The following GPC5 variants were observed in gnomAD, a reference collection of about 807,000 sequenced individuals.
The protein encoded by GPC5 is glypican 5, also known as glypican-5.
GPC5 carries 47 observed loss-of-function variants against 53.9 expected under a neutral mutation model. The observed-to-expected ratio is 0.87, with a 90% CI of 0.69 to 1.11. The LOEUF (loss-of-function observed/expected upper bound fraction) is 1.11, where lower values mean the gene tolerates loss of function less well. GPC5 is among the 50% of genes most tolerant of loss of function. GPC5 has a pLI of 0.00. For missense variants in GPC5, 748 were observed against 713.1 expected (o/e 1.05, Z -0.56); for synonymous variants, 286 against 263.3 (o/e 1.09, Z -0.84).
intron 5 of GPC5, among the ~76,000 whole-genome samples, chr13:91,760,773 C>G (rs903860960): frequency 6.6e-6 from 1 of 152,092 alleles, no homozygotes; most frequent in Non-Finnish European, 1.5e-5. Flanking sequence ...CACCTATGTG[C>G]TGATCAAAAG....
At chr13:92,597,013 AT>A (rs1883903585) in intron 7 of GPC5, among the ~76,000 whole-genome samples, 1 of 152,068 alleles carries the variant, frequency 6.6e-6, no homozygotes, top group African/African-American at 2.4e-5. Context: ...TTTGTTATTA[AT>A]TTCCCCCTCT....
At chr13:91,739,851 T>C (rs1193664842) in intron 4 of GPC5, among the ~76,000 whole-genome samples, 1 of 151,446 alleles carries the variant, frequency 6.6e-6, no homozygotes, top group Non-Finnish European at 1.5e-5. Context: ...GGGATGAAAC[T>C]GTGGGGAGTT....
chr13:92,306,305 A>G (rs557770433), intron 7 of GPC5, among the ~76,000 whole-genome samples: 2 of 152,298 alleles, frequency 1.3e-5, no homozygotes, highest in African/African-American at 2.4e-5. Flanking sequence ...CTCAGACTCA[A>G]TGCCTCTGCA....
intron 2 of GPC5, among the ~76,000 whole-genome samples, chr13:91,504,875 G>A (rs1486843234): frequency 6.6e-6 from 1 of 152,080 alleles, no homozygotes; most frequent in Non-Finnish European, 1.5e-5. Context: ...GATCGCTTGA[G>A]GTAAGGAGTT....
At chr13:92,792,890 C>T (rs950923925) in intron 7 of GPC5, among the ~76,000 whole-genome samples, 1 of 152,004 alleles carries the variant, frequency 6.6e-6, no homozygotes, top group Non-Finnish European at 1.5e-5. Context: ...TAAAGCAAGT[C>T]CTTAGAGACC....
chr13:91,715,179 G>A (rs2036309989), intron 3 of GPC5, among the ~76,000 whole-genome samples: 1 of 152,190 alleles, frequency 6.6e-6, no homozygotes, highest in African/African-American at 2.4e-5. Flanking sequence ...CACTGTAGGG[G>A]TGTCTCACAG....
intron 7 of GPC5, among the ~76,000 whole-genome samples, chr13:92,861,035 C>T (rs1358883010): frequency 6.6e-6 from 1 of 151,832 alleles, no homozygotes; most frequent in Non-Finnish European, 1.5e-5. Context: ...ATTAAAAGAA[C>T]ATTAAAGAGC....
At chr13:92,299,728 T>C (rs1217267079) in intron 7 of GPC5, among the ~76,000 whole-genome samples, 2 of 152,208 alleles carry the variant, frequency 1.3e-5, no homozygotes, top group Non-Finnish European at 2.9e-5. Context: ...TGTGTTGTCA[T>C]CCTATGTATC....
chr13:92,709,281 A>G (rs1157456094), intron 7 of GPC5, among the ~76,000 whole-genome samples: 4 of 149,792 alleles, frequency 2.7e-5, no homozygotes, highest in African/African-American at 9.9e-5. Context: ...CTGGTCTTGA[A>G]CTCCTGACCT....
At chr13:92,136,931 A>G (rs551956472) in intron 6 of GPC5, among the ~76,000 whole-genome samples, 1 of 152,378 alleles carries the variant, frequency 6.6e-6, no homozygotes, top group Non-Finnish European at 1.5e-5. Context: ...CCAAGATAGC[A>G]TCCCTAATGA....
chr13:91,407,582 T>C (rs577606702), intron 1 of GPC5, among the ~76,000 whole-genome samples: 1 of 152,278 alleles, frequency 6.6e-6, no homozygotes, highest in African/African-American at 2.4e-5. Flanking sequence ...TTCTGCAAAA[T>C]AGTATTTTTC....
chr13:91,745,963 G>A (rs1404061732), intron 4 of GPC5, among the ~76,000 whole-genome samples: 2 of 152,122 alleles, frequency 1.3e-5, no homozygotes, highest in African/African-American at 4.8e-5. Context: ...CTATTAGAAT[G>A]AAAATCTAAT....
chr13:92,184,565 A>G, intron 7 of GPC5, among the ~76,000 whole-genome samples: 1 of 152,060 alleles, frequency 6.6e-6, no homozygotes, highest in East Asian at 1.9e-4. Context: ...TCTCTTCACT[A>G]CCTAGGAATC....
intron 7 of GPC5, among the ~76,000 whole-genome samples, chr13:92,366,854 A>G (rs1187376686): frequency 1.3e-5 from 2 of 152,252 alleles, no homozygotes; most frequent in Non-Finnish European, 2.9e-5. Context: ...ACTAGTGCAC[A>G]TATCAGAGAT....
intron 7 of GPC5, among the ~76,000 whole-genome samples, chr13:92,418,536 C>T (rs1317267670): frequency 2.0e-5 from 3 of 152,114 alleles, no homozygotes; most frequent in Admixed American, 2.0e-4. Context: ...ATCCTGAGAT[C>T]ATTAACTTGA....
chr13:92,401,270 C>T (rs1298588146), intron 7 of GPC5, among the ~76,000 whole-genome samples: 2 of 150,912 alleles, frequency 1.3e-5, no homozygotes, highest in Non-Finnish European at 2.9e-5. Context: ...TGATAGAAGT[C>T]TTTATATCTC....
At chr13:92,809,517 C>T (rs943817833) in intron 7 of GPC5, among the ~76,000 whole-genome samples, 5 of 152,072 alleles carry the variant, frequency 3.3e-5, no homozygotes, top group African/African-American at 1.2e-4. Context: ...GGACTCAGAC[C>T]CAGGTCTTCT....
chr13:92,694,068 C>A (rs1887490531), intron 7 of GPC5, among the ~76,000 whole-genome samples: 1 of 152,174 alleles, frequency 6.6e-6, no homozygotes, highest in Non-Finnish European at 1.5e-5. Context: ...GTGTGCAAGA[C>A]CCAAACCTTG....
chr13:92,656,968 A>C (rs1886158371), intron 7 of GPC5, among the ~76,000 whole-genome samples: 2 of 152,246 alleles, frequency 1.3e-5, no homozygotes, highest in Non-Finnish European at 2.9e-5. Flanking sequence ...CCTGTCTTAA[A>C]AAGAAAAAAG....
Sources: gnomAD v4.1 joint callset for allele counts (sites outside exome capture counted in the v4.1 genomes callset) on GRCh38, gnomAD v4.1.1 for gene constraint, MANE v1.5 for transcripts, NCBI Gene and HGNC (gene_info 2026-07-23, HGNC 2026-07-21) for gene names.